Variants in FSIP1 observed in about 807,000 individuals in gnomAD.
FSIP1 encodes fibrous sheath interacting protein 1, also known as fibrous sheath-interacting protein 1.
Under a neutral mutation model 60.9 loss-of-function variants are expected in FSIP1, and 65 were observed. The observed-to-expected ratio is 1.07, with a 90% confidence interval of 0.87 to 1.31. The LOEUF (loss-of-function observed/expected upper bound fraction) is 1.31. Among genes scored for constraint, FSIP1 ranks in the 40% most tolerant of loss-of-function variants. FSIP1 has a pLI of 0.00. For synonymous variants in FSIP1, 209 were observed against 221.2 expected (o/e 0.94, Z 0.49); for missense variants, 675 against 665.5 (o/e 1.01, Z -0.16).
intron 10 of FSIP1, among the ~76,000 whole-genome samples, chr15:39,636,731 T>G (rs932780126): frequency 2.0e-4 from 30 of 152,204 alleles, no homozygotes; most frequent in African/African-American, 7.2e-4. Flanking sequence ...TCAAATGACA[T>G]CCTTAGTTGA....
downstream of FSIP1, chr15:39,597,719 T>A (rs1376465072): frequency 6.6e-6 from 1 of 152,200 alleles, no homozygotes; most frequent in Non-Finnish European, 1.5e-5. Flanking sequence ...AGAGAAATTA[T>A]CCCTAAGTCA....
chr15:39,690,651 GC>G (rs1894559663), intron 10 of FSIP1, among the ~76,000 whole-genome samples: 1 of 152,178 alleles, frequency 6.6e-6, no homozygotes, highest in Non-Finnish European at 1.5e-5. Context: ...CACATTTCTA[GC>G]TGCTGCAGCT....
chr15:39,633,111 T>TTTTTTTTTG (rs1891976300), intron 10 of FSIP1, among the ~76,000 whole-genome samples: 1 of 146,504 alleles, frequency 6.8e-6, no homozygotes, highest in African/African-American at 2.6e-5. Flanking sequence ...TTTTTTTTTT[T>TTTTTTTTTG]GAGATGGAAT....
At chr15:39,701,844 C>G (rs1895071984) in intron 10 of FSIP1, among the ~76,000 whole-genome samples, 1 of 152,114 alleles carries the variant, frequency 6.6e-6, no homozygotes, top group African/African-American at 2.4e-5. Context: ...GAGGAGTCCT[C>G]TACCGTGGAT....
chr15:39,679,889 T>C (rs1894091328), intron 10 of FSIP1, among the ~76,000 whole-genome samples: 1 of 152,182 alleles, frequency 6.6e-6, no homozygotes, highest in African/African-American at 2.4e-5. Context: ...GTACCAAATA[T>C]ATTATTTATA....
chr15:39,667,033 A>G (rs1382577381), intron 10 of FSIP1, among the ~76,000 whole-genome samples: 2 of 152,188 alleles, frequency 1.3e-5, no homozygotes, highest in African/African-American at 4.8e-5. Flanking sequence ...CTATCACAAG[A>G]CAGTGGGCGC....
chr15:39,650,926 G>T (rs544885116), intron 10 of FSIP1, among the ~76,000 whole-genome samples: 1 of 152,312 alleles, frequency 6.6e-6, no homozygotes, highest in African/African-American at 2.4e-5. Flanking sequence ...TTGGCTTTGA[G>T]TTAACACAGG....
At chr15:39,653,138 T>C (rs990060030) in intron 10 of FSIP1, among the ~76,000 whole-genome samples, 3 of 144,564 alleles carry the variant, frequency 2.1e-5, no homozygotes, top group African/African-American at 7.7e-5. Flanking sequence ...ACCACGCCAG[T>C]GCACCGTAGC....
chr15:39,775,997 T>C (rs1279571349), intron 2 of FSIP1, among the ~76,000 whole-genome samples: 1 of 151,448 alleles, frequency 6.6e-6, no homozygotes, highest in Non-Finnish European at 1.5e-5. Context: ...TAAAAGTCAG[T>C]GGTGGTATAT....
intron 11 of FSIP1, among the ~76,000 whole-genome samples, chr15:39,614,184 A>C (rs968353144): frequency 2.7e-5 from 4 of 149,234 alleles, no homozygotes; most frequent in African/African-American, 1.0e-4. Context: ...AATGCTAAAG[A>C]CTCCACCAAA....
chr15:39,604,413 A>C (rs1890750663), intron 11 of FSIP1, among the ~76,000 whole-genome samples: 1 of 152,152 alleles, frequency 6.6e-6, no homozygotes, highest in Non-Finnish European at 1.5e-5. Flanking sequence ...AAATATCAAA[A>C]CTCTCAAGCA....
rs77974773 is a variant in FSIP1, at chr15:39,668,755, C to G, written c.1188+44689G>C. ...AGCCTTTCCTTGCTTGCTTACCACA[C>G]TAGTTCTCAAGTAGCTACAATTCCT... On this transcript the variant is annotated intron_variant, in intron 10 of 11. Coordinates refer to ENST00000350221, the MANE Select transcript of FSIP1 (RefSeq NM_152597.5). 1.4e-4 allele frequency among the ~76,000 whole-genome samples: 22 copies of G among 152,276 alleles called. No individual in the cohort carries two copies. The East Asian group carries it at 4.2e-3, about 29-fold the overall frequency.
At chr15:39,738,462 C>A (rs914276220) in intron 7 of FSIP1, among the ~76,000 whole-genome samples, 2 of 151,996 alleles carry the variant, frequency 1.3e-5, no homozygotes, top group Admixed American at 1.3e-4. Flanking sequence ...ATAATATGAG[C>A]AGTTTTCAAA....
At chr15:39,681,447 G>C (rs1454321492) in intron 10 of FSIP1, among the ~76,000 whole-genome samples, 2 of 151,496 alleles carry the variant, frequency 1.3e-5, no homozygotes, top group African/African-American at 4.9e-5. Flanking sequence ...TGTCATAATG[G>C]GTATCAGAAA....
chr15:39,779,458 G>A (rs1898174819), intron 1 of FSIP1, among the ~76,000 whole-genome samples: 1 of 152,094 alleles, frequency 6.6e-6, no homozygotes, highest in Non-Finnish European at 1.5e-5. Context: ...ATTATAGAAA[G>A]ATCTCTAGAA....
intron 8 of FSIP1, 59 bp downstream of exon 8, chr15:39,738,032 A>T: frequency 2.1e-6 from 2 of 965,904 alleles, no homozygotes; most frequent in South Asian, 3.4e-5. Context: ...TGGGCCAATA[A>T]TATTATTTTT....
chr15:39,763,811 A>G lies in FSIP1; in HGVS notation c.559+10T>C. On this transcript the variant is annotated intron_variant, in intron 5 of 11. Coordinates refer to ENST00000350221, the MANE Select transcript of FSIP1 (RefSeq NM_152597.5). The stretch of plus-strand genomic sequence containing the variant: ...AAAAACAAAGTTGAATGACATCTCC[A>G]TCTACTCACCAACAGTTTCTTCAGA... 1.4e-6 allele frequency: 2 copies of G among 1,386,996 alleles called. No homozygotes were observed. The highest frequency in any genetic ancestry group is 2.0e-6 in the Non-Finnish European group (2 of 977,354). 85.9% of individuals were successfully genotyped at this position (1,386,996 alleles called of 1,614,324 possible).
chr15:39,746,240 G>A (rs545327889), intron 5 of FSIP1, among the ~76,000 whole-genome samples: 3 of 152,258 alleles, frequency 2.0e-5, no homozygotes, highest in Admixed American at 2.0e-4. Flanking sequence ...GGTCATGTAA[G>A]CTTTGCCTAC....
At chr15:39,674,227 T>C (rs1302985041) in intron 10 of FSIP1, among the ~76,000 whole-genome samples, 1 of 151,990 alleles carries the variant, frequency 6.6e-6, no homozygotes, top group Non-Finnish European at 1.5e-5. Context: ...GCTAATTTTT[T>C]GTAGTTTTAG....
Sources: gnomAD v4.1 joint callset for allele counts (sites outside exome capture counted in the v4.1 genomes callset) on GRCh38, gnomAD v4.1.1 for gene constraint, MANE v1.5 for transcripts, NCBI Gene and HGNC (gene_info 2026-07-23, HGNC 2026-07-21) for gene names.